The following DCC variants were observed in gnomAD, a reference collection of about 807,000 sequenced individuals.
The protein encoded by DCC is DCC netrin 1 receptor.
A neutral mutation model predicts 172.5 loss-of-function variants in DCC; 58 were observed. The observed-to-expected ratio is 0.34, with a 90% CI of 0.27 to 0.42. The LOEUF is 0.42. Ranked by LOEUF, DCC falls within the 10% of genes least tolerant of loss-of-function variation. The pLI, the probability that DCC is intolerant of heterozygous loss-of-function variation, is 1.00. For synonymous variants in DCC, 709 were observed against 644.5 expected (o/e 1.10, Z -1.52); for missense variants, 1,740 against 1,791.0 (o/e 0.97, Z 0.51).
intron 7 of DCC, among the ~76,000 whole-genome samples, chr18:53,107,124 G>A (rs572193399): frequency 3.6e-4 from 55 of 151,824 alleles, no homozygotes; most frequent in African/African-American, 1.2e-3. Context: ...TGAGAATGCA[G>A]CCCAGTAGAT....
At chr18:52,435,206 T>C (rs1419705550) in intron 1 of DCC, among the ~76,000 whole-genome samples, 5 of 152,176 alleles carry the variant, frequency 3.3e-5, no homozygotes, top group Admixed American at 2.0e-4. Context: ...TTGCCATTTA[T>C]AATATTTATC....
chr18:52,990,809 G>A (rs1422162314), intron 5 of DCC, among the ~76,000 whole-genome samples: 1 of 152,118 alleles, frequency 6.6e-6, no homozygotes, highest in Non-Finnish European at 1.5e-5. Context: ...ACAGACCACA[G>A]TGTGCCAGAT....
rs182266310 is a variant in DCC at position 52,571,146 on chromosome 18, T to C, written c.92-180908T>C. ...TTTATTTGAAAGGCACTAGAAAATCTGAGGAACATAAACCAGAGCTCTGCC... is the reference window on the plus strand; with the variant it reads ...TTTATTTGAAAGGCACTAGAAAATCCGAGGAACATAAACCAGAGCTCTGCC... On this transcript the variant is annotated intron_variant, in intron 1 of 28. Coordinates refer to ENST00000442544, the MANE Select transcript of DCC (RefSeq NM_005215.4). Among the ~76,000 whole-genome samples the C allele has an allele frequency of 2.9e-3, 449 of 152,300 alleles. 3 individuals are homozygous for C. The highest frequency in any genetic ancestry group is 0.01 in the African/African-American group (429 of 41,574).
rs187995497 is a variant in DCC at position 53,475,819 on chromosome 18, A to G, written c.3736+7809A>G. On this transcript the variant is annotated intron_variant, in intron 25 of 28. Coordinates refer to ENST00000442544, the MANE Select transcript of DCC (RefSeq NM_005215.4). ...CATCCTCCAGACTCTGTAATGGTAG[A>G]TCCACTGACAGCTTGCACTGTGCAC... Among the ~76,000 whole-genome samples the G allele has an allele frequency of 3.2e-3, 490 of 152,272 alleles. 11 individuals are homozygous for G. The highest frequency in any genetic ancestry group is 0.029 in the Admixed American group (450 of 15,298).
In DCC at chr18:52,827,338, G is replaced by A. The variant is rs896234855; in HGVS notation, c.412+74964G>A. Among the ~76,000 whole-genome samples, 4 of 152,192 alleles carry A rather than the reference G, an allele frequency of 2.6e-5. No individual in the cohort carries two copies. In the East Asian group the frequency reaches 7.7e-4, roughly 29 times the overall value. On this transcript the variant is annotated intron_variant, in intron 2 of 28. Transcript: ENST00000442544. ...ACATCCTGAGCTTCACCTTTGAGGG[G>A]AGGGACCGAAAACAGCATTTTAAAA...
intron 12 of DCC, among the ~76,000 whole-genome samples, chr18:53,268,309 T>C (rs1173187796): frequency 2.0e-5 from 3 of 152,188 alleles, no homozygotes; most frequent in African/African-American, 7.2e-5. Context: ...CTTATGTAAA[T>C]AGAACATGTA....
chr18:52,533,392 G>A (rs1568216071), intron 1 of DCC, among the ~76,000 whole-genome samples: 1 of 152,098 alleles, frequency 6.6e-6, no homozygotes, highest in Non-Finnish European at 1.5e-5. Context: ...GTGGCCCTTT[G>A]ATGTGCCTGC....
chr18:52,712,166 G>T (rs1647360159), intron 1 of DCC, among the ~76,000 whole-genome samples: 1 of 152,062 alleles, frequency 6.6e-6, no homozygotes, highest in African/African-American at 2.4e-5. Flanking sequence ...TCACCATGTT[G>T]GCCAGGATGG....
intron 27 of DCC, among the ~76,000 whole-genome samples, chr18:53,522,521 C>T (rs1045663413): frequency 1.3e-5 from 2 of 152,128 alleles, no homozygotes; most frequent in Admixed American, 6.6e-5. Flanking sequence ...GCAAACTATA[C>T]TACAAGGCTA....
intron 1 of DCC, among the ~76,000 whole-genome samples, chr18:52,633,663 G>C (rs941398217): frequency 7.2e-5 from 11 of 152,098 alleles, no homozygotes; most frequent in African/African-American, 2.7e-4. Context: ...TCAAATTGTA[G>C]TTTCTAAAGA....
intron 9 of DCC, among the ~76,000 whole-genome samples, chr18:53,188,123 T>G (rs1215172810): frequency 2.0e-5 from 3 of 152,162 alleles, no homozygotes; most frequent in Non-Finnish European, 4.4e-5. Flanking sequence ...CCCGGTGCCC[T>G]GAAACATAAT....
chr18:52,537,828 T>C (rs921675628), intron 1 of DCC, among the ~76,000 whole-genome samples: 2 of 152,194 alleles, frequency 1.3e-5, no homozygotes, highest in Admixed American at 1.3e-4. Context: ...GATGTCCCCA[T>C]GTTTTATATC....
At chr18:53,169,810 C>T (rs759640280) in intron 8 of DCC, among the ~76,000 whole-genome samples, 5 of 152,112 alleles carry the variant, frequency 3.3e-5, no homozygotes, top group African/African-American at 1.2e-4. Flanking sequence ...TTCTTCAGAA[C>T]CCAGTGTGCT....
intron 24 of DCC, among the ~76,000 whole-genome samples, chr18:53,460,989 G>A (rs1390617594): frequency 6.6e-6 from 1 of 152,172 alleles, no homozygotes; most frequent in Non-Finnish European, 1.5e-5. Flanking sequence ...GGTGTGAGAT[G>A]ATATCTCATT....
intron 5 of DCC, among the ~76,000 whole-genome samples, chr18:52,967,026 T>A (rs1241307621): frequency 6.6e-6 from 1 of 152,138 alleles, no homozygotes; most frequent in African/African-American, 2.4e-5. Context: ...CCTATACTAA[T>A]GGTGAGGCAG....
intron 7 of DCC, among the ~76,000 whole-genome samples, chr18:53,074,340 TACAA>T (rs2042696129): frequency 6.6e-6 from 1 of 152,182 alleles, no homozygotes; most frequent in African/African-American, 2.4e-5. Flanking sequence ...TCGTTAACAC[TACAA>T]AATTCCTCTT....
At chr18:52,948,525 A>G (rs1400659736) in intron 5 of DCC, among the ~76,000 whole-genome samples, 1 of 152,202 alleles carries the variant, frequency 6.6e-6, no homozygotes, top group Non-Finnish European at 1.5e-5. Flanking sequence ...CCCAGTATAC[A>G]TCTGTCTCCC....
chr18:53,206,704 C>T (rs913751973), intron 10 of DCC, among the ~76,000 whole-genome samples: 4 of 147,928 alleles, frequency 2.7e-5, no homozygotes, highest in African/African-American at 7.4e-5. Context: ...GAGGTATTTA[C>T]TTCCAGATTC....
intron 1 of DCC, among the ~76,000 whole-genome samples, chr18:52,373,416 A>T (rs1280174563): frequency 6.6e-6 from 1 of 152,210 alleles, no homozygotes; most frequent in South Asian, 2.1e-4. Context: ...CTTATTAAAC[A>T]TAGTAGTGAG....
Sources: allele counts gnomAD v4.1 joint callset (sites outside exome capture counted in the v4.1 genomes callset), GRCh38; gene constraint gnomAD v4.1.1; transcripts MANE v1.5; gene names NCBI Gene and HGNC (gene_info 2026-07-23, HGNC 2026-07-21).